Variants in SLC6A9 observed in about 807,000 individuals in gnomAD.
SLC6A9 encodes the protein sodium- and chloride-dependent glycine transporter 1.
In SLC6A9, 31 loss-of-function variants were observed where a neutral mutation model predicts 70.9. The observed-to-expected ratio is 0.44, with a 90% CI of 0.33 to 0.59. The LOEUF is 0.59. Among genes scored for constraint, SLC6A9 ranks in the 20% least tolerant of loss-of-function variants. The pLI is 0.04. For missense variants in SLC6A9, 631 were observed against 845.2 expected (o/e 0.75, Z 3.14); for synonymous variants, 310 against 341.3 (o/e 0.91, Z 1.01).
chr1:44,021,344 T>C (rs1392377417), intron 2 of SLC6A9, among the ~76,000 whole-genome samples: 1 of 152,162 alleles, frequency 6.6e-6, no homozygotes, highest in African/African-American at 2.4e-5. Flanking sequence ...TGAGCTGGCC[T>C]GGCAGAGACC....
chr1:44,029,957 A>G (rs931586066), intron 1 of SLC6A9, among the ~76,000 whole-genome samples: 16 of 152,054 alleles, frequency 1.1e-4, no homozygotes, highest in African/African-American at 3.6e-4. Flanking sequence ...TTATTTCCCA[A>G]CGGCCGCACC....
chr1:44,009,237 T>G (rs904708397), intron 4 of SLC6A9, among the ~76,000 whole-genome samples: 2 of 142,652 alleles, frequency 1.4e-5, no homozygotes, highest in Non-Finnish European at 3.0e-5. Context: ...TTTTTTTTTT[T>G]GACATGGAGT....
intron 2 of SLC6A9, among the ~76,000 whole-genome samples, chr1:44,012,436 G>T (rs983426671): frequency 2.6e-5 from 4 of 152,254 alleles, no homozygotes; most frequent in African/African-American, 9.6e-5. Context: ...CCTCCACAGA[G>T]GGCAGGGGTG....
chr1:44,022,551 C>T (rs1055967063), intron 2 of SLC6A9, among the ~76,000 whole-genome samples: 1 of 151,978 alleles, frequency 6.6e-6, no homozygotes, highest in Non-Finnish European at 1.5e-5. Context: ...TTGCTCCAAT[C>T]AGTCAATCAG....
chr1:44,015,872 G>A (rs748438779), intron 2 of SLC6A9: 125 of 985,270 alleles, frequency 1.3e-4, no homozygotes, highest in African/African-American at 3.5e-4. Context: ...AATCTCCCCC[G>A]GGCCGAGCAG....
At chr1:44,022,657 C>A (rs2485999) in intron 2 of SLC6A9, among the ~76,000 whole-genome samples, 18,680 of 151,112 alleles carry the variant, frequency 0.12, 1,857 homozygotes, top group African/African-American at 0.28. Context: ...GAGCTTGGAG[C>A]AGAACCACCG....
At chr1:44,020,893 A>G (rs1050198810) in intron 2 of SLC6A9, among the ~76,000 whole-genome samples, 1 of 152,214 alleles carries the variant, frequency 6.6e-6, no homozygotes, top group African/African-American at 2.4e-5. Flanking sequence ...CCCTAATCCA[A>G]ATGAGTCTGT....
intron 3 of SLC6A9, 73 bp downstream of exon 3, chr1:44,010,653 G>C: frequency 6.9e-7 from 1 of 1,450,350 alleles, no homozygotes. Context: ...CTGTGCCAGG[G>C]AGAGGGTGGC....
At position 44,018,487 on chromosome 1, in the gene SLC6A9, G is replaced by A. The variant is rs1359508949; in HGVS notation, c.30+5761C>T. ...CACATGCCTGTAATCCCAGCTACTC[G>A]GGAGGCTGAGGCGGGAGAATCGCTT... On this transcript the variant is annotated intron_variant, in intron 2 of 13. Coordinates refer to ENST00000372310, the MANE Select transcript of SLC6A9 (RefSeq NM_001024845.3). This position sits in a 1 kb window ranked among gnomAD's most constrained non-coding sequence, Gnocchi z 4.2. 6.6e-6 allele frequency among the ~76,000 whole-genome samples: 1 copy of A among 151,824 alleles called. No homozygotes were observed.
rs563639910 is a variant in SLC6A9, at chr1:44,004,585, A to G, written c.591-1600T>C. Among the ~76,000 whole-genome samples the G allele has an allele frequency of 1.4e-3, 216 of 151,800 alleles. 1 individual carries two copies. Among genetic ancestry groups the G allele is most frequent in the Admixed American group, 2.0e-3 (31 of 15,248 alleles). The stretch of plus-strand genomic sequence containing the variant: ...GGTCTCGAATGCCTGGGCTCAAGCA[A>G]TCCTCCTGCCTCAGCCTCCCAAAGT... On this transcript the variant is annotated intron_variant, in intron 5 of 13. Coordinates refer to ENST00000372310, the MANE Select transcript of SLC6A9 (RefSeq NM_001024845.3).
At position 44,001,286 on chromosome 1, in the gene SLC6A9, C is replaced by T; in HGVS notation, c.1213G>A (p.Glu405Lys). The T allele has an allele frequency of 1.2e-6, 2 of 1,614,240 alleles. No homozygotes were observed. Among genetic ancestry groups the T allele is most frequent in the Non-Finnish European group, 1.7e-6 (2 of 1,180,054 alleles). ...TCCACAATGGCTGTGACCAGCGTCT[C>T]CAGGAGGCAGAACTGCAGGATGTGG... ...LGLGTQFCLLETLVTAIVDEV... is the reference protein window; with the variant it reads ...LGLGTQFCLLKTLVTAIVDEV... Residue 405 changes from glutamate to lysine, a missense_variant, in exon 10 of 14, where the codon GAG (glutamate) becomes AAG (lysine). Transcript: ENST00000372310.
At position 43,997,100 on chromosome 1, in the gene SLC6A9, C is replaced by G; in HGVS notation, c.*445G>C. 5.2e-6 allele frequency: 1 copy of G among 192,516 alleles called. No individual in the cohort carries two copies. Among genetic ancestry groups the G allele is most frequent in the Non-Finnish European group, 1.0e-5 (1 of 95,418 alleles). 11.9% of individuals were successfully genotyped at this position (192,516 alleles called of 1,614,324 possible). A position where few individuals can be genotyped will look rare whatever the true frequency, so the allele number is the denominator to read the frequency against. On this transcript the variant is annotated 3_prime_UTR_variant, in exon 14 of 14. Coordinates refer to ENST00000372310, the MANE Select transcript of SLC6A9 (RefSeq NM_001024845.3). The surrounding 1 kb of genome is among the most constrained non-coding windows in gnomAD (Gnocchi z 4.4). ...CCTGACAAGTAACACTGGGCAGTCC[C>G]CCAGCCCTTCATCCTGCCCCTAGGG...
chr1:44,024,080 C>T (rs777026913), intron 2 of SLC6A9, among the ~76,000 whole-genome samples, 168 bp downstream of exon 2: 4 of 152,212 alleles, frequency 2.6e-5, no homozygotes, highest in Non-Finnish European at 4.4e-5. Context: ...GAGCCTGATG[C>T]TCTCTGACCT....
In SLC6A9 at chr1:44,002,270, A is replaced by G; in HGVS notation, c.962+43T>C. On this transcript the variant is annotated intron_variant, in intron 8 of 13. Transcript: ENST00000372310. The surrounding 1 kb of genome is among the most constrained non-coding windows in gnomAD (Gnocchi z 5.5). ...CTGGAGCTGAGATCAGGCTGCAGAG[A>G]GTGCAGGAAGGGGGCAGCCTCAGCC... is the stretch of plus-strand genomic sequence containing the variant. 1.5e-6 allele frequency: 2 copies of G among 1,370,468 alleles called. No individual in the cohort carries two copies. Among genetic ancestry groups the G allele is most frequent in the Non-Finnish European group, 2.1e-6 (2 of 957,892 alleles). The allele number at this position is 1,370,468 out of a possible 1,614,324, so 84.9% of individuals were successfully genotyped here. A position where few individuals can be genotyped will look rare whatever the true frequency, so the allele number is the denominator to read the frequency against.
At position 44,000,775 on chromosome 1, in the gene SLC6A9, TGGCGGGAGAGACGAAGC is replaced by T. The variant is rs1449946665; in HGVS notation, c.1511_1527del (p.Arg504HisfsTer93). On this transcript the variant is annotated frameshift_variant, in exon 12 of 14. Coordinates refer to ENST00000372310, the MANE Select transcript of SLC6A9 (RefSeq NM_001024845.3). LOFTEE classifies it high-confidence loss of function. ...CCGGCCAGGGAACTCACGAAGATGA[TGGCGGGAGAGACGAAGC>T]GCCAGCAGATCTGAAAGAAGAGGGG... is the stretch of plus-strand genomic sequence containing the variant. 6.2e-7 allele frequency: 1 copy of T among 1,604,110 alleles called. No individual in the cohort carries two copies. The highest frequency in any genetic ancestry group is 1.7e-5 in the Admixed American group (1 of 59,166).
At chr1:44,021,293 C>T (rs558522570) in intron 2 of SLC6A9, among the ~76,000 whole-genome samples, 1 of 152,174 alleles carries the variant, frequency 6.6e-6, no homozygotes, top group Non-Finnish European at 1.5e-5. Flanking sequence ...GGTTCTCGCA[C>T]AGCCCTGTCC....
chr1:44,027,126 C>T (rs2086996144), intron 1 of SLC6A9, among the ~76,000 whole-genome samples: 1 of 152,102 alleles, frequency 6.6e-6, no homozygotes, highest in South Asian at 2.1e-4. Context: ...TGTGGAAGAT[C>T]CACAACACCA....
Position 44,024,344 on chromosome 1 carries a change from A to T in SLC6A9, c.-67T>A. The stretch of plus-strand genomic sequence containing the variant: ...ACAGGCTCTGCTTCCAGCGCCTTTC[A>T]GGCCACAGATCTCAAGAGCTGTGGA... On this transcript the variant is annotated 5_prime_UTR_variant, in exon 2 of 14. An upstream open reading frame in the 5' UTR loses its in-frame stop. Transcript: ENST00000372310. 1 of 1,586,078 alleles carries T rather than the reference A, an allele frequency of 6.3e-7. No individual in the cohort carries two copies. Among genetic ancestry groups the T allele is most frequent in the East Asian group, 2.2e-5 (1 of 44,748 alleles).
At position 44,002,785 on chromosome 1, in the gene SLC6A9, C is replaced by T; in HGVS notation, c.723+68G>A. 2 of 1,602,546 alleles carry T rather than the reference C, an allele frequency of 1.2e-6. No individual in the cohort carries two copies. Among genetic ancestry groups the T allele is most frequent in the Non-Finnish European group, 1.7e-6 (2 of 1,170,856 alleles). The stretch of plus-strand genomic sequence containing the variant: ...TTCAGCATCCCCTCCCTGCAATACA[C>T]ACATAACCCAGGTAGGGGGCAGGGT... On this transcript the variant is annotated intron_variant, in intron 6 of 13. Coordinates refer to ENST00000372310, the MANE Select transcript of SLC6A9 (RefSeq NM_001024845.3). The surrounding 1 kb of genome is among the most constrained non-coding windows in gnomAD (Gnocchi z 5.5).
Sources: gnomAD v4.1 joint callset for allele counts (sites outside exome capture counted in the v4.1 genomes callset) on GRCh38, gnomAD v4.1.1 for gene constraint, Gnocchi (gnomAD v3.1) non-coding constraint, MANE v1.5 for transcripts, NCBI Gene and HGNC (gene_info 2026-07-23, HGNC 2026-07-21) for gene names.